The following SH3GL2 variants were observed in gnomAD, a reference collection of about 807,000 sequenced individuals.
SH3GL2 encodes endophilin-A1.
In SH3GL2, 24 loss-of-function variants were observed where a neutral mutation model predicts 46.0. The ratio of observed to expected loss-of-function variants is 0.52; its 90% CI spans 0.38 to 0.73. SH3GL2 has a LOEUF of 0.73. SH3GL2 is among the 30% of genes least tolerant of loss of function. The probability of loss-of-function intolerance (pLI) is 0.00; values close to 1 mark genes in which losing one functional copy is unlikely to be tolerated. For missense variants in SH3GL2, 413 were observed against 424.2 expected, an observed-to-expected ratio of 0.97 and a Z score of 0.23; for synonymous variants, 196 against 147.1, an observed-to-expected ratio of 1.33 and a Z score of -2.40.
chr9:17,769,995 TTGCTTAATGAA>T (rs1457710720), intron 3 of SH3GL2, among the ~76,000 whole-genome samples: 3 of 152,220 alleles, frequency 2.0e-5, no homozygotes, highest in Non-Finnish European at 4.4e-5. Context: ...ATTGATTAAT[TTGCTTAATGAA>T]TGAATCAAAT....
In SH3GL2 at chr9:17,787,556, T is replaced by C. The variant is rs762439069; in HGVS notation, c.465+43T>C. Reference sequence around the variant, plus strand: ...TCTGGAAAGTGGGCAGTTGAAATCATACAGATGCAGATGCCTTTTTTCTTT... The same window carrying C: ...TCTGGAAAGTGGGCAGTTGAAATCACACAGATGCAGATGCCTTTTTTCTTT... On this transcript the variant is annotated intron_variant, in intron 5 of 8. Coordinates refer to ENST00000380607, the MANE Select transcript of SH3GL2 (RefSeq NM_003026.5). 6 of 1,554,600 alleles carry C rather than the reference T, an allele frequency of 3.9e-6. No individual in the cohort carries two copies. In the Admixed American group the frequency reaches 6.8e-5, roughly 18 times the overall value.
chr9:17,756,694 A>G (rs1823001792), intron 2 of SH3GL2, among the ~76,000 whole-genome samples: 1 of 151,914 alleles, frequency 6.6e-6, no homozygotes, highest in African/African-American at 2.4e-5. Flanking sequence ...CATGGTGTAT[A>G]TGTGCCACAG....
chr9:17,629,528 T>C (rs1486081242), intron 1 of SH3GL2, among the ~76,000 whole-genome samples: 3 of 152,190 alleles, frequency 2.0e-5, no homozygotes, highest in African/African-American at 4.8e-5. Flanking sequence ...GTGACTATTA[T>C]TGAGTATAAA....
intron 1 of SH3GL2, among the ~76,000 whole-genome samples, chr9:17,697,431 T>C (rs1247078323): frequency 1.3e-5 from 2 of 151,880 alleles, no homozygotes; most frequent in Non-Finnish European, 2.9e-5. Context: ...ACCATGCTGG[T>C]CAGGCTGATC....
chr9:17,587,627 C>A (rs896137469), intron 1 of SH3GL2, among the ~76,000 whole-genome samples: 3 of 152,116 alleles, frequency 2.0e-5, no homozygotes, highest in African/African-American at 7.2e-5. Context: ...CCTGTAATCC[C>A]CGCACTTTGG....
intron 1 of SH3GL2, among the ~76,000 whole-genome samples, chr9:17,712,030 T>C (rs555449363): frequency 5.3e-5 from 8 of 151,908 alleles, no homozygotes; most frequent in Admixed American, 2.0e-4. Context: ...TGGTATGTAG[T>C]TGTAGTTTTT....
intron 1 of SH3GL2, among the ~76,000 whole-genome samples, chr9:17,649,840 A>G (rs1356158779): frequency 6.6e-6 from 1 of 152,216 alleles, no homozygotes; most frequent in Admixed American, 6.5e-5. Flanking sequence ...CCAATTTGTT[A>G]TACACCTGTT....
intron 1 of SH3GL2, among the ~76,000 whole-genome samples, chr9:17,727,766 C>G (rs1445134909): frequency 1.3e-5 from 2 of 152,124 alleles, no homozygotes; most frequent in African/African-American, 2.4e-5. Flanking sequence ...AGAATTGAGC[C>G]ATTTTGCCTA....
intron 1 of SH3GL2, among the ~76,000 whole-genome samples, chr9:17,671,625 T>C (rs1038836863): frequency 6.6e-6 from 1 of 152,046 alleles, no homozygotes; most frequent in Non-Finnish European, 1.5e-5. Flanking sequence ...ATTATGTACC[T>C]ACAAAACTAA....
chr9:17,692,828 C>T (rs1194764775), intron 1 of SH3GL2, among the ~76,000 whole-genome samples: 2 of 152,010 alleles, frequency 1.3e-5, no homozygotes, highest in African/African-American at 4.8e-5. Flanking sequence ...GCTGGGGAGG[C>T]CCCAGAATCA....
chr9:17,630,848 G>C (rs1446724479), intron 1 of SH3GL2, among the ~76,000 whole-genome samples: 2 of 152,236 alleles, frequency 1.3e-5, no homozygotes, highest in African/African-American at 4.8e-5. Flanking sequence ...CTTGCCTGCT[G>C]TTTTATGGGC....
At chr9:17,674,289 C>T (rs1178322751) in intron 1 of SH3GL2, among the ~76,000 whole-genome samples, 5 of 152,002 alleles carry the variant, frequency 3.3e-5, no homozygotes, top group African/African-American at 7.3e-5. Flanking sequence ...TTTTTTAAGA[C>T]GGAGTCTCTC....
intron 1 of SH3GL2, among the ~76,000 whole-genome samples, chr9:17,625,260 G>A (rs1407336835): frequency 6.6e-6 from 1 of 152,178 alleles, no homozygotes; most frequent in Non-Finnish European, 1.5e-5. Context: ...CTTGGTGGGA[G>A]CAGCCTGCAG....
At chr9:17,772,243 G>C (rs1184994661) in intron 3 of SH3GL2, among the ~76,000 whole-genome samples, 1 of 152,130 alleles carries the variant, frequency 6.6e-6, no homozygotes, top group East Asian at 1.9e-4. Context: ...AGTGTGATTT[G>C]AGGATTTATA....
At chr9:17,581,236 G>A (rs1238928020) in intron 1 of SH3GL2, among the ~76,000 whole-genome samples, 1 of 137,010 alleles carries the variant, frequency 7.3e-6, no homozygotes, top group Non-Finnish European at 1.6e-5. Flanking sequence ...TTGAAGTTCT[G>A]TGTCGCCCTA....
chr9:17,703,050 A>C (rs1414285195), intron 1 of SH3GL2, among the ~76,000 whole-genome samples: 1 of 152,058 alleles, frequency 6.6e-6, no homozygotes, highest in Admixed American at 6.6e-5. Context: ...GTCTCTAATA[A>C]ATCCCTCAAG....
At chr9:17,687,899 C>T (rs375503713) in intron 1 of SH3GL2, among the ~76,000 whole-genome samples, 6 of 152,136 alleles carry the variant, frequency 3.9e-5, no homozygotes, top group African/African-American at 1.4e-4. Context: ...AGGATTGCTG[C>T]CTACAGCCAG....
intron 3 of SH3GL2, among the ~76,000 whole-genome samples, chr9:17,766,532 C>A (rs1020225982): frequency 2.0e-5 from 3 of 152,078 alleles, no homozygotes; most frequent in Non-Finnish European, 2.9e-5. Context: ...AAATAGGATG[C>A]AAGCCACATA....
At chr9:17,715,015 A>G (rs1431895389) in intron 1 of SH3GL2, among the ~76,000 whole-genome samples, 1 of 151,676 alleles carries the variant, frequency 6.6e-6, no homozygotes, top group Non-Finnish European at 1.5e-5. Flanking sequence ...CTTGGTAGAC[A>G]TGTTTTGTTC....
Sources: gnomAD v4.1 joint callset for allele counts (sites outside exome capture counted in the v4.1 genomes callset) on GRCh38, gnomAD v4.1.1 for gene constraint, MANE v1.5 for transcripts, NCBI Gene and HGNC (gene_info 2026-07-23, HGNC 2026-07-21) for gene names.